Variants in DAB2IP observed in about 807,000 individuals in gnomAD.
DAB2IP encodes DAB2 interacting protein, also known as disabled homolog 2-interacting protein.
In DAB2IP, 28 loss-of-function variants were observed where a neutral mutation model predicts 107.2. The observed-to-expected ratio is 0.26, with a 90% CI of 0.19 to 0.36. DAB2IP has a LOEUF of 0.36. Among genes scored for constraint, DAB2IP ranks in the 10% least tolerant of loss-of-function variants. The pLI, the probability that DAB2IP is intolerant of heterozygous loss-of-function variation, is 1.00. For missense variants in DAB2IP, 1,400 were observed against 1,644.7 expected, an observed-to-expected ratio of 0.85 and a Z score of 2.57; for synonymous variants, 755 against 706.4, an observed-to-expected ratio of 1.07 and a Z score of -1.09.
chr9:121,722,633 A>G (rs1831005386), intron 3 of DAB2IP, among the ~76,000 whole-genome samples: 1 of 152,146 alleles, frequency 6.6e-6, no homozygotes, highest in South Asian at 2.1e-4. Flanking sequence ...CCACACAGAC[A>G]GCCAGTGGGT....
rs1466938940 is a variant in DAB2IP at position 121,699,191 on chromosome 9, G to A, written c.229-134G>A. 1.9e-5 allele frequency: 18 copies of A among 956,436 alleles called. No individual in the cohort carries two copies. Among genetic ancestry groups the A allele is most frequent in the Non-Finnish European group, 2.2e-5 (18 of 806,858 alleles). The allele number at this position is 956,436 out of a possible 1,614,324, so 59.2% of individuals were successfully genotyped here. Reference sequence around the variant, plus strand: ...CGGGCGGCGCGGGCCGCGAGCTGCTGGGGCCGAGCCCGAGCCCGGCCCGCC... The same window carrying A: ...CGGGCGGCGCGGGCCGCGAGCTGCTAGGGCCGAGCCCGAGCCCGGCCCGCC... On this transcript the variant is annotated intron_variant, in intron 2 of 15. Coordinates refer to ENST00000408936, the Ensembl canonical transcript of DAB2IP. This position sits in a 1 kb window ranked among gnomAD's most constrained non-coding sequence, Gnocchi z 6.2.
At position 121,735,925 on chromosome 9, in the gene DAB2IP, T is replaced by G. The variant is rs1831866240; in HGVS notation, c.363-21088T>G. 2.0e-5 allele frequency among the ~76,000 whole-genome samples: 3 copies of G among 152,226 alleles called. No homozygotes were observed. The South Asian group carries it at 6.2e-4, about 32-fold the overall frequency. The stretch of plus-strand genomic sequence containing the variant: ...TCTGCCCCCAGGCTTCTGGGCGCAA[T>G]CGGGAACCTGGGCAGCTCACACAGC... On this transcript the variant is annotated intron_variant, in intron 3 of 15. Transcript: ENST00000408936.
At chr9:121,618,400 G>A (rs944032781) in intron 1 of DAB2IP, among the ~76,000 whole-genome samples, 1 of 151,140 alleles carries the variant, frequency 6.6e-6, no homozygotes, top group Admixed American at 6.6e-5. Flanking sequence ...TCACTCTGTT[G>A]TCCAGGCTGG....
At chr9:121,679,384 C>T (rs77151448) in intron 2 of DAB2IP, among the ~76,000 whole-genome samples, 1 of 148,676 alleles carries the variant, frequency 6.7e-6, no homozygotes, top group African/African-American at 2.6e-5. Flanking sequence ...TAACGTCTGA[C>T]TGTTCATACC....
At chr9:121,681,926 G>A (rs557374883) in intron 2 of DAB2IP, among the ~76,000 whole-genome samples, 10 of 152,312 alleles carry the variant, frequency 6.6e-5, no homozygotes, top group South Asian at 2.1e-4. Flanking sequence ...GAATGTGGTC[G>A]CCCAAGTCTG....
rs139723574 is a variant in DAB2IP, at chr9:121,568,828, C to T, written c.40+1600C>T. 5.5e-4 allele frequency among the ~76,000 whole-genome samples: 84 copies of T among 152,336 alleles called. 1 individual carries two copies. Among genetic ancestry groups the T allele is most frequent in the African/African-American group, 2.0e-3 (83 of 41,570 alleles). On this transcript the variant is annotated intron_variant, in intron 1 of 16. Coordinates refer to the DAB2IP transcript ENST00000259371. ...GGAACCCACAGTCCCCACTTGCTGT[C>T]CTCCAGATTTGCTAGTAGCAGCCTC...
intron 1 of DAB2IP, among the ~76,000 whole-genome samples, chr9:121,608,655 C>T (rs556762992): frequency 6.6e-6 from 1 of 152,280 alleles, no homozygotes; most frequent in African/African-American, 2.4e-5. Context: ...CAATAGGGAG[C>T]CATTGAGGAT....
At chr9:121,691,359 A>AC (rs1829150969) in intron 2 of DAB2IP, among the ~76,000 whole-genome samples, 2 of 152,062 alleles carry the variant, frequency 1.3e-5, no homozygotes, top group Admixed American at 6.5e-5. Flanking sequence ...CTGAGGAGGT[A>AC]CCTGAAGGGT....
chr9:121,630,938 G>T (rs1372318171), intron 1 of DAB2IP, among the ~76,000 whole-genome samples: 1 of 152,178 alleles, frequency 6.6e-6, no homozygotes, highest in Non-Finnish European at 1.5e-5. Context: ...ATTTTTCTGA[G>T]AGGGGGTCCT....
intron 1 of DAB2IP, among the ~76,000 whole-genome samples, chr9:121,614,342 T>C (rs199508498): frequency 5.7e-4 from 60 of 104,754 alleles, no homozygotes; most frequent in African/African-American, 1.0e-3. Flanking sequence ...CTTTTCTTTT[T>C]TTTTTTTTTT....
At chr9:121,766,006 G>C (rs1834252344) in intron 8 of DAB2IP, among the ~76,000 whole-genome samples, 2 of 152,326 alleles carry the variant, frequency 1.3e-5, no homozygotes, top group East Asian at 1.9e-4. Flanking sequence ...AAGGAAATTA[G>C]TCTCAAAGCC....
chr9:121,641,813 T>G (rs1394571106), intron 1 of DAB2IP, among the ~76,000 whole-genome samples: 2 of 152,078 alleles, frequency 1.3e-5, no homozygotes, highest in African/African-American at 4.8e-5. Context: ...CCTTCTTTCC[T>G]TCTTCCTTCC....
intron 3 of DAB2IP, among the ~76,000 whole-genome samples, chr9:121,704,331 T>C (rs1239119716): frequency 6.6e-6 from 1 of 152,204 alleles, no homozygotes; most frequent in East Asian, 1.9e-4. Flanking sequence ...CTTCAAAACA[T>C]TGGATGTCAT....
intron 3 of DAB2IP, among the ~76,000 whole-genome samples, chr9:121,723,230 C>T (rs577400151): frequency 3.7e-4 from 57 of 152,366 alleles, no homozygotes; most frequent in Non-Finnish European, 5.0e-4. Context: ...CGTGGGCTGC[C>T]TCAGCCAGCA....
At chr9:121,783,682 C>CGT (rs1246937568) in exon 16 of DAB2IP, 2 of 1,189,104 alleles carry the variant, frequency 1.7e-6, no homozygotes, top group Admixed American at 3.5e-5. Flanking sequence ...GCACCTGCCC[C>CGT]GTGTGTGTGG....
chr9:121,592,547 T>C (rs10513376), intron 1 of DAB2IP, among the ~76,000 whole-genome samples: 41,095 of 152,090 alleles, frequency 0.27, 6,057 homozygotes, highest in Non-Finnish European at 0.32. Flanking sequence ...GAAAATCTCA[T>C]TGGAACCCTT....
At chr9:121,572,465 T>C (rs1331803295) in intron 1 of DAB2IP, among the ~76,000 whole-genome samples, 1 of 152,202 alleles carries the variant, frequency 6.6e-6, no homozygotes, top group Non-Finnish European at 1.5e-5. Flanking sequence ...TGGCATGAGC[T>C]GGATCCTGCC....
In DAB2IP at chr9:121,782,980, G is replaced by T. The variant is rs1056831284; in HGVS notation, c.*482G>T. The T allele has an allele frequency of 3.5e-5, 36 of 1,021,148 alleles. No homozygotes were observed. Among genetic ancestry groups the T allele is most frequent in the Non-Finnish European group, 4.1e-5 (35 of 851,350 alleles). The allele number at this position is 1,021,148 out of a possible 1,614,324, so 63.3% of individuals were successfully genotyped here. A position where few individuals can be genotyped will look rare whatever the true frequency, so the allele number is the denominator to read the frequency against. On this transcript the variant is annotated 3_prime_UTR_variant, in exon 16 of 16. Coordinates refer to ENST00000408936, the Ensembl canonical transcript of DAB2IP. This position sits in a 1 kb window ranked among gnomAD's most constrained non-coding sequence, Gnocchi z 6.1. The stretch of plus-strand genomic sequence containing the variant: ...AGCCAGGCCCTGTCATGTGGGACCT[G>T]GCACTTGGCAGATCAGTTGGCAGGC...
intron 2 of DAB2IP, among the ~76,000 whole-genome samples, chr9:121,685,500 C>A (rs1828826713): frequency 6.6e-6 from 1 of 152,242 alleles, no homozygotes; most frequent in Admixed American, 6.5e-5. Context: ...GTTTCATCAG[C>A]TCCATTTTAC....
Sources: gnomAD v4.1 joint callset for allele counts (sites outside exome capture counted in the v4.1 genomes callset) on GRCh38, gnomAD v4.1.1 for gene constraint, Gnocchi (gnomAD v3.1) non-coding constraint, MANE v1.5 for transcripts, NCBI Gene and HGNC (gene_info 2026-07-23, HGNC 2026-07-21) for gene names.